Variants in KIRREL1 observed in about 807,000 individuals in gnomAD.
The protein encoded by KIRREL1 is kin of IRRE-like protein 1.
Under a neutral mutation model 83.3 loss-of-function variants are expected in KIRREL1, and 25 were observed. That is an observed-to-expected ratio of 0.30 (90% CI 0.22 to 0.42). The LOEUF is 0.42. Among genes scored for constraint, KIRREL1 ranks in the 10% least tolerant of loss-of-function variants. The pLI, the probability that KIRREL1 is intolerant of heterozygous loss-of-function variation, is 1.00. For synonymous variants in KIRREL1, 388 were observed against 410.4 expected, an observed-to-expected ratio of 0.95 and a Z score of 0.66; for missense variants, 812 against 1,032.3, an observed-to-expected ratio of 0.79 and a Z score of 2.92.
In KIRREL1 at chr1:158,097,525, C is replaced by T; in HGVS notation, c.*2405C>T. 1 of 175,594 alleles carries T rather than the reference C, an allele frequency of 5.7e-6. No homozygotes were observed. The highest frequency in any genetic ancestry group is 1.2e-5 in the Non-Finnish European group (1 of 83,700). 10.9% of individuals were successfully genotyped at this position (175,594 alleles called of 1,614,324 possible). A position where few individuals can be genotyped will look rare whatever the true frequency, so the allele number is the denominator to read the frequency against. On this transcript the variant is annotated 3_prime_UTR_variant, in exon 15 of 15. Coordinates refer to ENST00000359209, the MANE Select transcript of KIRREL1 (RefSeq NM_018240.7). ...CCTGACACAGAGCTACTTCACTGTC[C>T]TCTACTCCTTAACAAGGTAACTGGA...
At chr1:158,010,752 C>T (rs1250755899) in intron 1 of KIRREL1, among the ~76,000 whole-genome samples, 1 of 152,114 alleles carries the variant, frequency 6.6e-6, no homozygotes, top group Non-Finnish European at 1.5e-5. Flanking sequence ...AGACACCCAA[C>T]CCCCTTTCTC....
rs762885869 is a variant in KIRREL1, at chr1:158,089,587, G to A, written c.1130G>A (p.Arg377Gln). Reference sequence around the variant, plus strand: ...TACACCTGCCGGGCCATCGTGCCTCGAATCGGAGTGGCTGAGCGGGAGGTG... The same window carrying A: ...TACACCTGCCGGGCCATCGTGCCTCAAATCGGAGTGGCTGAGCGGGAGGTG... ...GTYTCRAIVP[R>Q]IGVAEREVPL... The change falls in exon 9 of 15, where the codon CGA becomes CAA. Residue 377 changes from arginine to glutamine, a missense_variant. Transcript: ENST00000359209. 256 of 1,613,804 alleles carry A rather than the reference G, an allele frequency of 1.6e-4. 1 individual carries two copies. The highest frequency in any genetic ancestry group is 2.0e-4 in the Non-Finnish European group (235 of 1,179,918).
At chr1:158,089,213 G>GAAC (rs1222085129) in intron 8 of KIRREL1, among the ~76,000 whole-genome samples, 1 of 152,152 alleles carries the variant, frequency 6.6e-6, no homozygotes, top group Non-Finnish European at 1.5e-5. Context: ...GAAAACACTA[G>GAAC]AACAGATCAT....
intron 1 of KIRREL1, among the ~76,000 whole-genome samples, chr1:158,028,514 G>A (rs1490112767): frequency 6.6e-6 from 1 of 152,190 alleles, no homozygotes; most frequent in Non-Finnish European, 1.5e-5. Flanking sequence ...GATCTCTGGA[G>A]TATTCATTCC....
In KIRREL1 at chr1:158,049,174, A is replaced by G. The variant is rs565810890; in HGVS notation, c.53-26939A>G. Among the ~76,000 whole-genome samples, 7 of 152,372 alleles carry G rather than the reference A, an allele frequency of 4.6e-5. No individual in the cohort carries two copies. In the South Asian group the frequency reaches 8.3e-4, roughly 18 times the overall value. ...AGTTCAATTCTGCAAATGTAAGTTG[A>G]GTGTTTACTAGGAGCCAGACATCCT... On this transcript the variant is annotated intron_variant, in intron 1 of 14. Coordinates refer to ENST00000359209, the MANE Select transcript of KIRREL1 (RefSeq NM_018240.7).
intron 1 of KIRREL1, among the ~76,000 whole-genome samples, chr1:157,995,246 G>A (rs1021558197): frequency 3.3e-5 from 5 of 152,162 alleles, no homozygotes; most frequent in African/African-American, 1.2e-4. Context: ...GGCACGTCTT[G>A]ATTCATTTCT....
intron 3 of KIRREL1, among the ~76,000 whole-genome samples, chr1:158,082,049 C>G (rs965293420): frequency 1.3e-5 from 2 of 152,178 alleles, no homozygotes; most frequent in African/African-American, 4.8e-5. Flanking sequence ...CCACCTTTCT[C>G]TACTTTTCAA....
At chr1:158,026,839 A>G (rs1325169440) in intron 1 of KIRREL1, among the ~76,000 whole-genome samples, 1 of 152,168 alleles carries the variant, frequency 6.6e-6, no homozygotes, top group Admixed American at 6.5e-5. Context: ...AATGAAAAAA[A>G]GCAAACTGTT....
At chr1:158,023,469 T>C (rs4445460) in intron 1 of KIRREL1, among the ~76,000 whole-genome samples, 123,534 of 152,114 alleles carry the variant, frequency 0.81, 51,765 homozygotes, top group Non-Finnish European at 0.91. Context: ...GTCTCAAATA[T>C]AGCAAAGAGA....
chr1:158,019,636 G>A (rs1659944844), intron 1 of KIRREL1, among the ~76,000 whole-genome samples: 1 of 152,158 alleles, frequency 6.6e-6, no homozygotes, highest in Admixed American at 6.5e-5. Context: ...GGAAACTCCA[G>A]GCCTAATTGC....
chr1:157,995,366 C>A (rs1659165114), intron 1 of KIRREL1, among the ~76,000 whole-genome samples: 1 of 152,176 alleles, frequency 6.6e-6, no homozygotes, highest in Non-Finnish European at 1.5e-5. Context: ...AAGGAGGAGG[C>A]CTGGCCCTGG....
At chr1:158,037,137 C>A (rs1042569131) in intron 1 of KIRREL1, among the ~76,000 whole-genome samples, 1 of 152,182 alleles carries the variant, frequency 6.6e-6, no homozygotes, top group Non-Finnish European at 1.5e-5. Flanking sequence ...GGGTTCTAGT[C>A]CCACTGCTGC....
At chr1:158,009,413 T>G (rs1008709393) in intron 1 of KIRREL1, among the ~76,000 whole-genome samples, 2 of 152,236 alleles carry the variant, frequency 1.3e-5, no homozygotes, top group Non-Finnish European at 2.9e-5. Context: ...TGACAGTATA[T>G]GCAAAACAGA....
At chr1:158,052,968 C>A (rs1465847809) in intron 1 of KIRREL1, among the ~76,000 whole-genome samples, 1 of 152,070 alleles carries the variant, frequency 6.6e-6, no homozygotes, top group East Asian at 1.9e-4. Flanking sequence ...TTTAAACAAC[C>A]AGCTCATGTG....
rs1294888757 is a variant in KIRREL1, at chr1:158,052,734, CGA to C, written c.53-23376_53-23375del. Among the ~76,000 whole-genome samples, 3 of 152,018 alleles carry C rather than the reference CGA, an allele frequency of 2.0e-5. No individual in the cohort carries two copies. The East Asian group carries it at 5.8e-4, about 29-fold the overall frequency. ...CCGGGAGGCTGAGCTTGCAGTGAGC[CGA>C]GATAGCGCCACTGCACTCCAGCCTG... On this transcript the variant is annotated intron_variant, in intron 1 of 14. Coordinates refer to ENST00000359209, the MANE Select transcript of KIRREL1 (RefSeq NM_018240.7).
At position 158,042,212 on chromosome 1, in the gene KIRREL1, G is replaced by GGTGTGTGT. The variant is rs10577493; in HGVS notation, c.53-33867_53-33860dup. Among the ~76,000 whole-genome samples the GGTGTGTGT allele has an allele frequency of 5.6e-3, 767 of 137,730 alleles. 6 individuals are homozygous for GGTGTGTGT. The highest frequency in any genetic ancestry group is 0.014 in the African/African-American group (520 of 36,512). 90.4% of individuals were successfully genotyped at this position (137,730 alleles called of 152,430 possible). A position where few individuals can be genotyped will look rare whatever the true frequency, so the allele number is the denominator to read the frequency against. ...GCTGCGTCGTGTGGGTCTTCTCCAG[G>GGTGTGTGT]GTGTGTGTGTGTGTGTGTGTGTGTG... On this transcript the variant is annotated intron_variant, in intron 1 of 14. Coordinates refer to ENST00000359209, the MANE Select transcript of KIRREL1 (RefSeq NM_018240.7).
At position 158,098,063 on chromosome 1, in the gene KIRREL1, G is replaced by C. The variant is rs185342506; in HGVS notation, c.*2943G>C. The C allele has an allele frequency of 3.4e-4, 52 of 152,356 alleles. No homozygotes were observed. In the East Asian group the frequency reaches 8.5e-3, roughly 25 times the overall value. The allele number at this position is 152,356 out of a possible 1,614,324, so 9.4% of individuals were successfully genotyped here. On this transcript the variant is annotated 3_prime_UTR_variant, in exon 15 of 15. Coordinates refer to ENST00000359209, the MANE Select transcript of KIRREL1 (RefSeq NM_018240.7). ...ATGGTGAGGGCTGGAGAGCTGGCTG[G>C]GGGGGTTCTCTCCTGTTCAAAGAAG...
chr1:158,093,556 G>A (rs1662262405), intron 12 of KIRREL1, 67 bp from the exon 13 acceptor site: 1 of 1,608,714 alleles, frequency 6.2e-7, no homozygotes, highest in Non-Finnish European at 8.5e-7. Flanking sequence ...AGCCCAGAGG[G>A]AGCCAGAAGC....
chr1:158,010,361 A>ACACACACC (rs1491267940), intron 1 of KIRREL1, among the ~76,000 whole-genome samples: 17 of 51,560 alleles, frequency 3.3e-4, no homozygotes, highest in Non-Finnish European at 6.5e-4. Flanking sequence ...ACACACACAC[A>ACACACACC]CCCCACACAG....
Sources: allele counts gnomAD v4.1 joint callset (sites outside exome capture counted in the v4.1 genomes callset), GRCh38; gene constraint gnomAD v4.1.1; transcripts MANE v1.5; gene names NCBI Gene and HGNC (gene_info 2026-07-23, HGNC 2026-07-21).